The following PDE3A variants were observed in gnomAD, a reference collection of about 807,000 sequenced individuals.
PDE3A encodes the protein phosphodiesterase 3A, also known as cGMP-inhibited 3',5'-cyclic phosphodiesterase 3A.
In PDE3A, 43 loss-of-function variants were observed where a neutral mutation model predicts 98.3. The observed-to-expected ratio is 0.44, with a 90% CI of 0.34 to 0.56. PDE3A has a LOEUF of 0.56. Among genes scored for constraint, PDE3A ranks in the 20% least tolerant of loss-of-function variants. The pLI is 0.01. For synonymous variants in PDE3A, 663 were observed against 567.9 expected (o/e 1.17, Z -2.38); for missense variants, 1,427 against 1,440.7 (o/e 0.99, Z 0.15).
At chr12:20,606,377 C>T (rs1199328797) in intron 2 of PDE3A, among the ~76,000 whole-genome samples, 2 of 152,150 alleles carry the variant, frequency 1.3e-5, no homozygotes, top group Non-Finnish European at 2.9e-5. Context: ...ATTTTACATT[C>T]TGTTCGTAAC....
intron 15 of PDE3A, among the ~76,000 whole-genome samples, chr12:20,671,323 CAG>C (rs909090516): frequency 1.3e-5 from 2 of 150,926 alleles, no homozygotes; most frequent in Non-Finnish European, 2.9e-5. Flanking sequence ...AATAGAAAAA[CAG>C]GGAATCCTCC....
chr12:20,479,463 C>T (rs1945586107), intron 1 of PDE3A, among the ~76,000 whole-genome samples: 1 of 152,108 alleles, frequency 6.6e-6, no homozygotes, highest in Non-Finnish European at 1.5e-5. Flanking sequence ...CTCTGCTATC[C>T]CTTGAGTATA....
intron 1 of PDE3A, among the ~76,000 whole-genome samples, chr12:20,519,426 A>G (rs762461294): frequency 3.3e-5 from 5 of 152,168 alleles, no homozygotes; most frequent in Non-Finnish European, 5.9e-5. Flanking sequence ...TTAAGTAAGG[A>G]ATATATATCT....
At position 20,680,168 on chromosome 12, in the gene PDE3A, C is replaced by T. The variant is rs1207122285; in HGVS notation, c.3323C>T (p.Pro1108Leu). 1 of 1,613,692 alleles carries T rather than the reference C, an allele frequency of 6.2e-7. No homozygotes were observed. The highest frequency in any genetic ancestry group is 8.5e-7 in the Non-Finnish European group (1 of 1,179,868). The change falls in exon 16 of 16, where the codon CCT becomes CTT. Residue 1108 changes from proline (P) to leucine (L), a missense_variant. By Grantham distance (98) the Pro-to-Leu change is moderately conservative. Around this residue, in one of 3 missense-constraint regions of PDE3A, gnomAD observed 142 missense variants for 133.9 expected, o/e 1.06. Transcript: ENST00000359062. ...GAAAATCAATCCCTGGACCAGACCCCTCAGTCGCACTCTTCAGAACAGATC... is the reference window on the plus strand; with the variant it reads ...GAAAATCAATCCCTGGACCAGACCCTTCAGTCGCACTCTTCAGAACAGATC... ...GIENQSLDQT[P>L]QSHSSEQIQA...
intron 1 of PDE3A, among the ~76,000 whole-genome samples, chr12:20,391,549 A>G (rs1943916035): frequency 1.3e-5 from 2 of 150,886 alleles, no homozygotes; most frequent in South Asian, 4.2e-4. Flanking sequence ...ACTCTTCTAG[A>G]CTTGTGTTTA....
chr12:20,443,989 A>AG (rs1222143398), intron 1 of PDE3A, among the ~76,000 whole-genome samples: 3 of 152,168 alleles, frequency 2.0e-5, no homozygotes, highest in African/African-American at 7.2e-5. Context: ...GAAAAGAAGG[A>AG]GGGAGGACCT....
intron 10 of PDE3A, among the ~76,000 whole-genome samples, chr12:20,642,474 T>C (rs1446269900): frequency 6.6e-6 from 1 of 152,206 alleles, no homozygotes; most frequent in Non-Finnish European, 1.5e-5. Flanking sequence ...ATGTTTGGTG[T>C]CATTCATAGT....
intron 1 of PDE3A, among the ~76,000 whole-genome samples, chr12:20,421,566 C>T (rs1284842944): frequency 1.3e-5 from 2 of 150,782 alleles, no homozygotes; most frequent in Non-Finnish European, 2.9e-5. Flanking sequence ...AACACTTGTA[C>T]CTGTGTGTAC....
At chr12:20,631,682 CT>C (rs1416787854) in intron 6 of PDE3A, among the ~76,000 whole-genome samples, 1 of 139,650 alleles carries the variant, frequency 7.2e-6, no homozygotes, top group African/African-American at 2.7e-5. Context: ...ACTCACGCAG[CT>C]TTTTTCATCA....
intron 1 of PDE3A, among the ~76,000 whole-genome samples, chr12:20,481,823 G>T (rs1460435195): frequency 8.2e-6 from 1 of 122,054 alleles, no homozygotes; most frequent in Non-Finnish European, 1.6e-5. Context: ...GGAATGCAGG[G>T]GTGCGATCTC....
In PDE3A at chr12:20,657,892, G is replaced by A. The variant is rs139273705; in HGVS notation, c.3184+3687G>A. ...TTAGCTTCTTCCCTATGAATGCACT[G>A]CCATCAATGTGTATAACTTTAAGAT... On this transcript the variant is annotated intron_variant, in intron 15 of 15. Coordinates refer to ENST00000359062, the MANE Select transcript of PDE3A (RefSeq NM_000921.5). Among the ~76,000 whole-genome samples the A allele has an allele frequency of 3.7e-3, 561 of 152,300 alleles. 3 individuals carry two copies. Among genetic ancestry groups the A allele is most frequent in the East Asian group, 0.011 (55 of 5,176 alleles).
intron 15 of PDE3A, among the ~76,000 whole-genome samples, chr12:20,671,784 T>G (rs9706219): frequency 4.2e-5 from 6 of 141,756 alleles, no homozygotes; most frequent in Admixed American, 3.6e-4. Context: ...CTTTGAAAAC[T>G]GGCACAAGAC....
At chr12:20,506,266 G>T (rs956472380) in intron 1 of PDE3A, among the ~76,000 whole-genome samples, 1 of 151,846 alleles carries the variant, frequency 6.6e-6, no homozygotes, top group Non-Finnish European at 1.5e-5. Context: ...ACTTCAGATT[G>T]TTTCCTTGGA....
At chr12:20,546,533 G>A (rs1270805276) in intron 1 of PDE3A, among the ~76,000 whole-genome samples, 2 of 152,034 alleles carry the variant, frequency 1.3e-5, no homozygotes, top group African/African-American at 2.4e-5. Flanking sequence ...GAATGCTGCA[G>A]AGAGCAAATA....
intron 8 of PDE3A, among the ~76,000 whole-genome samples, chr12:20,635,500 C>T (rs532844887): frequency 6.6e-6 from 1 of 151,842 alleles, no homozygotes; most frequent in Non-Finnish European, 1.5e-5. Flanking sequence ...ATCGCTTGAA[C>T]CCAGGAGGTG....
chr12:20,485,667 A>G (rs1447094260), intron 1 of PDE3A, among the ~76,000 whole-genome samples: 2 of 152,208 alleles, frequency 1.3e-5, no homozygotes, highest in Non-Finnish European at 2.9e-5. Context: ...GCACATTTTA[A>G]GGATTCACCT....
At chr12:20,671,670 C>G (rs1432553867) in intron 15 of PDE3A, among the ~76,000 whole-genome samples, 1 of 149,326 alleles carries the variant, frequency 6.7e-6, no homozygotes, top group Non-Finnish European at 1.5e-5. Context: ...TAAAAACTCT[C>G]AATAAATTAG....
chr12:20,564,265 TC>T (rs1942602139), intron 2 of PDE3A, among the ~76,000 whole-genome samples: 3 of 152,104 alleles, frequency 2.0e-5, no homozygotes, highest in Non-Finnish European at 4.4e-5. Flanking sequence ...TCCCTGGGAA[TC>T]AAATTTGCTT....
Position 20,680,353 on chromosome 12 carries a change from C to T in PDE3A, c.*82C>T. 3 of 1,402,844 alleles carry T rather than the reference C, an allele frequency of 2.1e-6. No individual in the cohort carries two copies. Among genetic ancestry groups the T allele is most frequent in the Non-Finnish European group, 2.9e-6 (3 of 1,028,544 alleles). 86.9% of individuals were successfully genotyped at this position (1,402,844 alleles called of 1,614,324 possible). A position where few individuals can be genotyped will look rare whatever the true frequency, so the allele number is the denominator to read the frequency against. On this transcript the variant is annotated 3_prime_UTR_variant, in exon 16 of 16. Transcript: ENST00000359062. The stretch of plus-strand genomic sequence containing the variant: ...AAGCCAGCACAACATTTAGACACAA[C>T]ACTGTAGAAATTTGAGATGGGCAAA...
Sources: gnomAD v4.1 joint callset for allele counts (sites outside exome capture counted in the v4.1 genomes callset) on GRCh38, gnomAD v4.1.1 for gene constraint, gnomAD v4.1.1 regional missense constraint, MANE v1.5 for transcripts, NCBI Gene and HGNC (gene_info 2026-07-23, HGNC 2026-07-21) for gene names.